The following TJP1 variants were observed in gnomAD, a reference collection of about 807,000 sequenced individuals.
TJP1 encodes tight junction protein ZO-1.
Under a neutral mutation model 194.2 loss-of-function variants are expected in TJP1, and 43 were observed. The observed-to-expected ratio is 0.22, with a 90% CI of 0.17 to 0.29. The LOEUF (loss-of-function observed/expected upper bound fraction) is 0.29. TJP1 is among the 10% of genes least tolerant of loss of function. The pLI, the probability that TJP1 is intolerant of heterozygous loss-of-function variation, is 1.00. For missense variants in TJP1, 1,971 were observed against 2,185.7 expected (o/e 0.90, Z 1.96); for synonymous variants, 801 against 779.0 (o/e 1.03, Z -0.47).
chr15:29,822,055 G>A lies in TJP1; in HGVS notation c.-27C>T. 7.7e-7 allele frequency: 1 copy of A among 1,296,544 alleles called. No individual in the cohort carries two copies. The highest frequency in any genetic ancestry group is 2.5e-5 in the South Asian group (1 of 39,360). 80.3% of individuals were successfully genotyped at this position (1,296,544 alleles called of 1,614,324 possible). On this transcript the variant is annotated 5_prime_UTR_variant, in exon 1 of 28. Coordinates refer to ENST00000614355, the MANE Select transcript of TJP1 (RefSeq NM_001330239.4). Reference sequence around the variant, plus strand: ...TTGTCTCTCTCCAGCGCCGCGCGAGGCTCCTCGGACCCGAAACTCCGCGGC... The same window carrying A: ...TTGTCTCTCTCCAGCGCCGCGCGAGACTCCTCGGACCCGAAACTCCGCGGC...
chr15:29,968,593 G>A (rs916485527), intron 1 of TJP1: 43 of 902,258 alleles, frequency 4.8e-5, no homozygotes, highest in Non-Finnish European at 5.0e-5. Flanking sequence ...GCCGCCGCTC[G>A]CTCTCCCACT....
intron 27 of TJP1, 63 bp from the exon 28 acceptor site, chr15:29,701,752 C>CA (rs1226356194): frequency 8.2e-6 from 10 of 1,226,062 alleles, no homozygotes; most frequent in East Asian, 7.0e-5. Context: ...TAATGCTTTG[C>CA]AATTATAGGG....
intron 1 of TJP1, among the ~76,000 whole-genome samples, chr15:29,808,706 G>A (rs1169833893): frequency 6.6e-6 from 1 of 152,096 alleles, no homozygotes; most frequent in East Asian, 1.9e-4. Context: ...ACCAGTGGGC[G>A]ATCAAAATAG....
At chr15:29,882,673 C>T (rs1029896042) in intron 2 of TJP1, among the ~76,000 whole-genome samples, 26 of 152,146 alleles carry the variant, frequency 1.7e-4, no homozygotes, top group African/African-American at 5.1e-4. Flanking sequence ...TGTGTCGGAC[C>T]GAAAGGTCCT....
At chr15:29,707,179 C>T (rs1460914725) in intron 25 of TJP1, among the ~76,000 whole-genome samples, 1 of 152,112 alleles carries the variant, frequency 6.6e-6, no homozygotes, top group Non-Finnish European at 1.5e-5. Context: ...GAAAGAGAGA[C>T]AGTAGATTAA....
intron 1 of TJP1, chr15:29,820,448 C>G: frequency 1.4e-6 from 1 of 704,476 alleles, no homozygotes; most frequent in Non-Finnish European, 2.6e-6. Context: ...GTCCCTACAA[C>G]GTAATATTTA....
intron 2 of TJP1, among the ~76,000 whole-genome samples, chr15:29,846,565 G>A (rs1041692886): frequency 6.6e-6 from 1 of 152,082 alleles, no homozygotes; most frequent in Non-Finnish European, 1.5e-5. Context: ...AAGAGGTTAG[G>A]GAGGTCCAGG....
intron 8 of TJP1, 89 bp downstream of exon 8, chr15:29,761,050 C>T (rs1046067841): frequency 9.6e-6 from 13 of 1,354,090 alleles, no homozygotes; most frequent in Non-Finnish European, 7.9e-6. Context: ...AAAAGAAATA[C>T]ATCTTTTAAT....
At chr15:29,921,805 A>G (rs930022773) in intron 2 of TJP1, among the ~76,000 whole-genome samples, 6 of 152,010 alleles carry the variant, frequency 3.9e-5, no homozygotes, top group Admixed American at 3.3e-4. Context: ...AGAGTCTGGC[A>G]TATTTGCTTC....
chr15:29,832,818 A>G (rs1479891804), intron 2 of TJP1, among the ~76,000 whole-genome samples: 2 of 152,248 alleles, frequency 1.3e-5, no homozygotes, highest in African/African-American at 4.8e-5. Flanking sequence ...AACTATGACC[A>G]GACACTACGG....
At chr15:29,907,625 A>G (rs904179752) in intron 2 of TJP1, among the ~76,000 whole-genome samples, 1 of 152,192 alleles carries the variant, frequency 6.6e-6, no homozygotes, top group Non-Finnish European at 1.5e-5. Flanking sequence ...TTTAAAAGCA[A>G]TAACAAATGC....
intron 2 of TJP1, among the ~76,000 whole-genome samples, chr15:29,841,883 T>C (rs2051238449): frequency 6.6e-6 from 1 of 152,210 alleles, no homozygotes; most frequent in Admixed American, 6.5e-5. Flanking sequence ...GTACTATACA[T>C]AATAAAGTTG....
chr15:29,839,294 G>A (rs1019173909), intron 2 of TJP1, among the ~76,000 whole-genome samples: 10 of 151,958 alleles, frequency 6.6e-5, no homozygotes, highest in African/African-American at 2.2e-4. Flanking sequence ...CACCGCACCC[G>A]GCCTAAATTC....
At chr15:29,767,499 T>G (rs2046400044) in intron 4 of TJP1, among the ~76,000 whole-genome samples, 1 of 152,182 alleles carries the variant, frequency 6.6e-6, no homozygotes, top group Admixed American at 6.5e-5. Context: ...CATATTTAAA[T>G]GACTTTTTCT....
chr15:29,932,372 T>C (rs920348610), intron 2 of TJP1, among the ~76,000 whole-genome samples: 1 of 152,122 alleles, frequency 6.6e-6, no homozygotes, highest in Non-Finnish European at 1.5e-5. Context: ...GTATTATAGA[T>C]CAGTATGGAA....
rs2044412885 is a variant in TJP1 at position 29,741,454 on chromosome 15, GAGT to G, written c.1151-21_1151-19del. ...CTTTGGTTCTAAGAAAAAAAAAATT[GAGT>G]AGGACTCACTTTAGAAAAACATGGA... is the stretch of plus-strand genomic sequence containing the variant. On this transcript the variant is annotated intron_variant, in intron 9 of 27. Transcript: ENST00000614355. The G allele has an allele frequency of 1.3e-6, 2 of 1,493,560 alleles. No individual in the cohort carries two copies. The highest frequency in any genetic ancestry group is 1.7e-5 in the Admixed American group (1 of 57,732). The allele number at this position is 1,493,560 out of a possible 1,614,324, so 92.5% of individuals were successfully genotyped here. A position where few individuals can be genotyped will look rare whatever the true frequency, so the allele number is the denominator to read the frequency against.
chr15:29,855,032 G>A (rs139085413), intron 2 of TJP1, among the ~76,000 whole-genome samples: 199 of 152,244 alleles, frequency 1.3e-3, no homozygotes, highest in African/African-American at 4.6e-3. Flanking sequence ...GTGAATATGA[G>A]TTAATTTGAT....
intron 1 of TJP1, among the ~76,000 whole-genome samples, chr15:29,961,760 C>T (rs1197121158): frequency 6.6e-6 from 1 of 152,130 alleles, no homozygotes; most frequent in Admixed American, 6.5e-5. Flanking sequence ...CAGGTCTGGT[C>T]TGCACTGCAG....
At chr15:29,816,646 T>C (rs935332935) in intron 1 of TJP1, among the ~76,000 whole-genome samples, 2 of 152,148 alleles carry the variant, frequency 1.3e-5, no homozygotes, top group Non-Finnish European at 2.9e-5. Context: ...TCAGTAACTA[T>C]CATAATTAAA....
Sources: allele counts gnomAD v4.1 joint callset (sites outside exome capture counted in the v4.1 genomes callset), GRCh38; gene constraint gnomAD v4.1.1; transcripts MANE v1.5; gene names NCBI Gene and HGNC (gene_info 2026-07-23, HGNC 2026-07-21).